CLIP1: variants seen among roughly 807,000 people sequenced by gnomAD.
CLIP1 encodes CAP-Gly domain containing linker protein 1, also known as CAP-Gly domain-containing linker protein 1.
A neutral mutation model predicts 161.6 loss-of-function variants in CLIP1; 66 were observed. The observed-to-expected ratio is 0.41, with a 90% CI of 0.33 to 0.50. The LOEUF (loss-of-function observed/expected upper bound fraction) is 0.50. CLIP1 is among the 20% of genes least tolerant of loss of function. CLIP1 has a pLI of 0.27. For missense variants in CLIP1, 1,376 were observed against 1,702.0 expected (o/e 0.81, Z 3.37); for synonymous variants, 598 against 626.2 (o/e 0.96, Z 0.67).
At chr12:122,305,648 C>CG (rs1237803055) in intron 20 of CLIP1, among the ~76,000 whole-genome samples, 1 of 152,052 alleles carries the variant, frequency 6.6e-6, no homozygotes, top group African/African-American at 2.4e-5. Context: ...AAGTACTGAT[C>CG]CTGGGTATGT....
chr12:122,275,121 A>G, intron 24 of CLIP1: 1 of 149,730 alleles, frequency 6.7e-6, no homozygotes. Context: ...AAGTGTTGGG[A>G]TTACAGGCAT....
rs1951774430 is a variant in CLIP1, at chr12:122,328,013, T to G, written c.3183A>C (p.Ala1061=). Residue 1061 remains alanine, a synonymous_variant, in exon 17 of 26, where the codon GCA becomes GCC. Coordinates refer to ENST00000620786, the MANE Select transcript of CLIP1 (RefSeq NM_001247997.2). ...GCAGCAAGCCACTGTTCTCCTCCCG[T>G]GCGCCCTTCAGCTTGTCCTCTGTGT... ...LLDTEDKLKG[A]REENSGLLQE... 6.2e-7 allele frequency: 1 copy of G among 1,614,194 alleles called. No individual in the cohort carries two copies. The highest frequency in any genetic ancestry group is 1.7e-5 in the Admixed American group (1 of 60,014).
intron 2 of CLIP1, among the ~76,000 whole-genome samples, chr12:122,379,307 CAA>C (rs61498384): frequency 1.7e-5 from 2 of 117,030 alleles, no homozygotes; most frequent in African/African-American, 3.3e-5. Flanking sequence ...TACAGCATCT[CAA>C]AAAAAAAAAA....
chr12:122,389,381 A>G (rs6488951), intron 1 of CLIP1, among the ~76,000 whole-genome samples: 119,810 of 152,128 alleles, frequency 0.79, 47,472 homozygotes, highest in East Asian at 0.85. Context: ...AAACCAGCTG[A>G]GGTATATCCA....
At chr12:122,336,413 TAAAAA>T (rs144935400) in intron 12 of CLIP1, among the ~76,000 whole-genome samples, 5 of 138,986 alleles carry the variant, frequency 3.6e-5, no homozygotes, top group Admixed American at 7.2e-5. Flanking sequence ...AGGGATAGAT[TAAAAA>T]AAAAAAAAAA....
At chr12:122,276,326 A>G in intron 24 of CLIP1, 2 of 1,172,124 alleles carry the variant, frequency 1.7e-6, no homozygotes, top group East Asian at 1.2e-4. Flanking sequence ...TCGTGTTAAG[A>G]GCTCCATTTC....
At chr12:122,386,000 G>A (rs1955241743) in intron 1 of CLIP1, among the ~76,000 whole-genome samples, 1 of 152,018 alleles carries the variant, frequency 6.6e-6, no homozygotes, top group Non-Finnish European at 1.5e-5. Flanking sequence ...CAAGAATTGG[G>A]CTCGGCCGGG....
At chr12:122,344,116 G>A (rs1211488410) in intron 10 of CLIP1, 1 of 152,128 alleles carries the variant, frequency 6.6e-6, no homozygotes, top group Non-Finnish European at 1.5e-5. Context: ...CTTTCTTTGA[G>A]ACAGAAAATA....
intron 1 of CLIP1, among the ~76,000 whole-genome samples, chr12:122,397,553 CAAAAAAAAAAAA>C (rs35589479): frequency 3.0e-5 from 2 of 66,864 alleles, no homozygotes; most frequent in Non-Finnish European, 5.1e-5. Flanking sequence ...ACTCCATCTC[CAAAAAAAAAAAA>C]AAAAAAAAAA....
chr12:122,395,830 C>T (rs1038516694), intron 1 of CLIP1: 6 of 152,140 alleles, frequency 3.9e-5, no homozygotes, highest in Non-Finnish European at 8.8e-5. Context: ...TAAGCATCCC[C>T]GCCAGGCGTG....
At chr12:122,303,553 T>C (rs960649058) in intron 20 of CLIP1, among the ~76,000 whole-genome samples, 3 of 152,186 alleles carry the variant, frequency 2.0e-5, no homozygotes, top group Non-Finnish European at 4.4e-5. Flanking sequence ...ATAGACTCCG[T>C]TGGTGATCTC....
intron 20 of CLIP1, among the ~76,000 whole-genome samples, chr12:122,303,720 C>T (rs1262974175): frequency 1.3e-5 from 2 of 152,172 alleles, no homozygotes; most frequent in African/African-American, 4.8e-5. Context: ...CCTTCCCTTC[C>T]TAGAGACTGG....
intron 21 of CLIP1, among the ~76,000 whole-genome samples, chr12:122,287,688 T>C (rs1955913651): frequency 6.6e-6 from 1 of 152,246 alleles, no homozygotes; most frequent in South Asian, 2.1e-4. Flanking sequence ...ATGTTCTTCC[T>C]TATTGGAAAG....
In CLIP1 at chr12:122,383,454, T is replaced by A. The variant is rs138238009; in HGVS notation, c.-106-2896A>T. On this transcript the variant is annotated intron_variant, in intron 1 of 25. Transcript: ENST00000620786. ...CGCCTAAAACACAGAAGCATGTGGT[T>A]ATTACAAACCAAAGACTAATCATAA... Among the ~76,000 whole-genome samples the A allele has an allele frequency of 5.4e-3, 815 of 152,230 alleles. 7 individuals carry two copies. Among genetic ancestry groups the A allele is most frequent in the African/African-American group, 0.019 (778 of 41,474 alleles).
intron 1 of CLIP1, among the ~76,000 whole-genome samples, chr12:122,418,666 G>A (rs1956834175): frequency 6.6e-6 from 1 of 152,146 alleles, no homozygotes; most frequent in Non-Finnish European, 1.5e-5. Context: ...GGCTGAAGTG[G>A]GAGGACTGCT....
In CLIP1 at chr12:122,390,285, T is replaced by C. The variant is rs796304839; in HGVS notation, c.-106-9727A>G. The stretch of plus-strand genomic sequence containing the variant: ...ACACACACATATATATATACATATA[T>C]ATATATATATATATATATGTATATA... On this transcript the variant is annotated intron_variant, in intron 1 of 25. Transcript: ENST00000620786. Among the ~76,000 whole-genome samples, 866 of 127,828 alleles carry C rather than the reference T, an allele frequency of 6.8e-3. 18 individuals are homozygous for C. The highest frequency in any genetic ancestry group is 0.024 in the African/African-American group (805 of 33,988). The allele number at this position is 127,828 out of a possible 152,430, so 83.9% of individuals were successfully genotyped here.
At chr12:122,354,808 CA>C in intron 6 of CLIP1, 1 of 573,776 alleles carries the variant, frequency 1.7e-6, no homozygotes, top group South Asian at 2.2e-5. Context: ...AAGAGTAATC[CA>C]CAAACAGCAG....
At chr12:122,389,271 G>C (rs1457068111) in intron 1 of CLIP1, among the ~76,000 whole-genome samples, 1 of 152,156 alleles carries the variant, frequency 6.6e-6, no homozygotes, top group Non-Finnish European at 1.5e-5. Flanking sequence ...GGAAGAAACT[G>C]TATTTTAGTC....
intron 11 of CLIP1, 51 bp downstream of exon 11, chr12:122,340,702 A>G: frequency 1.4e-6 from 2 of 1,435,420 alleles, no homozygotes; most frequent in South Asian, 2.7e-5. Context: ...ACATAATGCA[A>G]AACAAGAATA....
Sources: gnomAD v4.1 joint callset for allele counts (sites outside exome capture counted in the v4.1 genomes callset) on GRCh38, gnomAD v4.1.1 for gene constraint, MANE v1.5 for transcripts, NCBI Gene and HGNC (gene_info 2026-07-23, HGNC 2026-07-21) for gene names.